Variants in NRK observed in about 807,000 individuals in gnomAD.
The protein encoded by NRK is Nik related kinase.
NRK carries 67 observed loss-of-function variants against 125.2 expected under a neutral mutation model. The ratio of observed to expected loss-of-function variants is 0.54; its 90% CI spans 0.44 to 0.66. The LOEUF is 0.66. NRK is among the 30% of genes least tolerant of loss of function. The pLI, the probability that NRK is intolerant of heterozygous loss-of-function variation, is 0.00. For missense variants in NRK, 1,224 were observed against 1,192.9 expected, an observed-to-expected ratio of 1.03 and a Z score of -0.38; for synonymous variants, 458 against 429.0, an observed-to-expected ratio of 1.07 and a Z score of -0.84.
chrX:105,873,760 T>A (rs1006353615), intron 2 of NRK, among the ~76,000 whole-genome samples: 12 of 111,542 alleles, frequency 1.1e-4, no homozygotes, highest in African/African-American at 3.9e-4. Context: ...TGCTTCTGAA[T>A]CTGTTCAAAT....
intron 19 of NRK, among the ~76,000 whole-genome samples, chrX:105,929,163 C>G (rs761907030): frequency 1.8e-5 from 2 of 111,524 alleles, no homozygotes; most frequent in Non-Finnish European, 3.8e-5. Context: ...TCTGGGTACT[C>G]TAGTGTTTGG....
chrX:105,850,527 AT>A (rs2039459409), intron 2 of NRK, among the ~76,000 whole-genome samples: 1 of 112,114 alleles, frequency 8.9e-6, no homozygotes, highest in African/African-American at 3.2e-5. Context: ...CAGGCTGCAA[AT>A]TTTCCAAACT....
chrX:105,896,212 G>T (rs1232574089), intron 7 of NRK, among the ~76,000 whole-genome samples: 1 of 111,857 alleles, frequency 8.9e-6, no homozygotes, highest in African/African-American at 3.2e-5. Context: ...AATATCAATA[G>T]TTTTTAGAAT....
chrX:105,896,259 A>C (rs2040081650), intron 7 of NRK, among the ~76,000 whole-genome samples: 1 of 112,120 alleles, frequency 8.9e-6, no homozygotes. Context: ...TTGTAGTGGC[A>C]GATAATCCCA....
Position 105,943,960 on chromosome X carries a change from A to G in NRK, c.3978A>G (p.Thr1326=). 8.7e-7 allele frequency: 1 copy of G among 1,154,018 alleles called. No individual in the cohort carries two copies. Among genetic ancestry groups the G allele is most frequent in the Non-Finnish European group, 1.2e-6 (1 of 850,510 alleles). The change falls in exon 24 of 29, where the codon ACA becomes ACG. Residue 1326 remains threonine (T), a synonymous_variant. Coordinates refer to ENST00000243300, the MANE Select transcript of NRK (RefSeq NM_198465.4). The stretch of plus-strand genomic sequence containing the variant: ...TTATAGTCCAACATGAAGAAACAAC[A>G]TATATTGCAATTGCTTTGAAATCAT... The part of the protein sequence containing the change: ...HFSVLQHEET[T]YIAIALKSSI...
chrX:105,910,695 A>G (rs2040288089), intron 13 of NRK, among the ~76,000 whole-genome samples: 2 of 111,255 alleles, frequency 1.8e-5, no homozygotes, highest in Admixed American at 1.9e-4. Context: ...AGGGGATTGT[A>G]GAGGGTGAGG....
chrX:105,893,744 A>G (rs1322487026), intron 5 of NRK, 88 bp from the exon 6 acceptor site: 2 of 546,651 alleles, frequency 3.7e-6, no homozygotes, highest in African/African-American at 4.6e-5. Context: ...AACATTACAT[A>G]TAGATACAAG....
intron 16 of NRK, among the ~76,000 whole-genome samples, chrX:105,920,933 G>A (rs1297397429): frequency 1.1e-5 from 1 of 95,010 alleles, no homozygotes; most frequent in Non-Finnish European, 2.1e-5. Flanking sequence ...CGATTCCTCA[G>A]GGATCTAGAA....
intron 28 of NRK, 112 bp downstream of exon 28, chrX:105,953,285 T>C: frequency 1.7e-6 from 1 of 590,205 alleles, no homozygotes; most frequent in Non-Finnish European, 2.4e-6. Flanking sequence ...TGTGGTATAT[T>C]TTTTCAAACT....
At chrX:105,871,943 C>A (rs2147695863) in intron 2 of NRK, among the ~76,000 whole-genome samples, 1 of 111,606 alleles carries the variant, frequency 9.0e-6, no homozygotes, top group Admixed American at 9.5e-5. Flanking sequence ...CATTAACATG[C>A]AATGTTTGAC....
At chrX:105,935,085 A>T (rs2040643738) in intron 20 of NRK, 85 bp from the exon 21 acceptor site, 23 of 774,733 alleles carry the variant, frequency 3.0e-5, no homozygotes, top group Non-Finnish European at 4.0e-5. Context: ...TCAGGTGCAG[A>T]TTTTTCTTTA....
At chrX:105,877,918 A>C (rs1175057558) in intron 2 of NRK, among the ~76,000 whole-genome samples, 1 of 111,285 alleles carries the variant, frequency 9.0e-6, no homozygotes, top group Non-Finnish European at 1.9e-5. Context: ...CTAATATGTC[A>C]TAATCTATTG....
intron 14 of NRK, 135 bp downstream of exon 14, chrX:105,912,890 T>C (rs1487322269): frequency 6.5e-6 from 2 of 305,822 alleles, no homozygotes; most frequent in Admixed American, 6.2e-5. Flanking sequence ...TTACATGGGT[T>C]GTATCATTTG....
In NRK at chrX:105,923,216, T is replaced by C. The variant is rs2040476093; in HGVS notation, c.2709T>C (p.Asp903=). The change falls in exon 18 of 29, where the codon GAT becomes GAC. Residue 903 remains aspartate (D), a synonymous_variant. Coordinates refer to ENST00000243300, the MANE Select transcript of NRK (RefSeq NM_198465.4). ...YNALSEIFRN[D]WLTPAPVIQP... ...CACTCTCTGAAATCTTCCGGAATGA[T>C]TGGTTAACTCCGGCACCTGTCATTC... The C allele has an allele frequency of 8.3e-7, 1 of 1,209,063 alleles. No homozygotes were observed.
chrX:105,839,973 T>C (rs2039309924), intron 2 of NRK, among the ~76,000 whole-genome samples: 1 of 111,301 alleles, frequency 9.0e-6, no homozygotes, highest in Admixed American at 9.6e-5. Flanking sequence ...AGGTTGAATA[T>C]TTGCAATGGG....
At chrX:105,871,428 C>A (rs1481014490) in intron 2 of NRK, among the ~76,000 whole-genome samples, 2 of 110,782 alleles carry the variant, frequency 1.8e-5, no homozygotes, top group Admixed American at 1.9e-4. Context: ...GCTTTGGGCT[C>A]CCTCTAACTC....
intron 2 of NRK, among the ~76,000 whole-genome samples, chrX:105,872,441 T>A (rs1352920539): frequency 8.9e-6 from 1 of 111,835 alleles, no homozygotes; most frequent in Non-Finnish European, 1.9e-5. Context: ...ACAGGCTACA[T>A]CTCCTCTTTG....
chrX:105,952,051 T>C (rs914521877), intron 27 of NRK, among the ~76,000 whole-genome samples: 2 of 112,496 alleles, frequency 1.8e-5, no homozygotes, highest in African/African-American at 3.2e-5. Context: ...ATTTGACTTA[T>C]AAAGTCTTCT....
At chrX:105,852,383 C>T (rs146289097) in intron 2 of NRK, among the ~76,000 whole-genome samples, 1,722 of 111,516 alleles carry the variant, frequency 0.015, 36 homozygotes, top group African/African-American at 0.053. Flanking sequence ...GGGACATTAG[C>T]AACCACGAAT....
Sources: gnomAD v4.1 joint callset for allele counts (sites outside exome capture counted in the v4.1 genomes callset) on GRCh38, gnomAD v4.1.1 for gene constraint, MANE v1.5 for transcripts, NCBI Gene and HGNC (gene_info 2026-07-23, HGNC 2026-07-21) for gene names.